Variants in FAT2 observed in about 807,000 individuals in gnomAD.
FAT2 encodes protocadherin Fat 2.
FAT2 carries 150 observed loss-of-function variants against 295.3 expected under a neutral mutation model. The observed-to-expected ratio is 0.51, with a 90% confidence interval of 0.44 to 0.58. The LOEUF is 0.58. Ranked by LOEUF, FAT2 falls within the 20% of genes least tolerant of loss-of-function variation. FAT2 has a pLI of 0.00. For missense variants in FAT2, 4,868 were observed against 5,442.7 expected (o/e 0.89, Z 3.32); for synonymous variants, 2,026 against 2,150.3 (o/e 0.94, Z 1.60).
intron 11 of FAT2, 93 bp from the exon 12 acceptor site, chr5:151,538,039 G>A: frequency 3.5e-6 from 4 of 1,135,548 alleles, no homozygotes; most frequent in South Asian, 1.6e-5. Flanking sequence ...GGCAGAAGCA[G>A]AAAGAGAGAC....
At chr5:151,539,329 G>T (rs1231098827) in intron 11 of FAT2, among the ~76,000 whole-genome samples, 1 of 152,204 alleles carries the variant, frequency 6.6e-6, no homozygotes, top group Non-Finnish European at 1.5e-5. Context: ...TGTGTTGCAA[G>T]GTATGTGTCT....
intron 15 of FAT2, 85 bp from the exon 16 acceptor site, chr5:151,528,218 C>A (rs1431253756): frequency 4.0e-6 from 6 of 1,506,194 alleles, no homozygotes; most frequent in Non-Finnish European, 4.5e-6. Context: ...TGTCCCTGCC[C>A]CAGTGACTGC....
rs183208599 is a variant in FAT2 at position 151,568,004 on chromosome 5, T to G, written c.928A>C (p.Asn310His). The G allele has an allele frequency of 1.4e-5, 23 of 1,614,186 alleles. 1 individual carries two copies. The highest frequency in any genetic ancestry group is 2.5e-6 in the Non-Finnish European group (3 of 1,180,038). ...FKAIKSYARS[N>H]EFSLVSVKDI... ...TTGACAGACACCAAACTGAACTCAT[T>G]GCTCCGGGCATAAGACTTGATGGCT... Residue 310 changes from asparagine (N) to histidine (H), a missense_variant, in exon 2 of 24, where the codon AAT (asparagine) becomes CAT (histidine). By Grantham distance (68) the Asn-to-His change is moderately conservative (BLOSUM62 1). This residue lies in a region of FAT2 where 3,297 missense variants were observed against 3,669.4 expected (regional missense o/e 0.90). Transcript: ENST00000261800.
At position 151,540,611 on chromosome 5, in the gene FAT2, T is replaced by G; in HGVS notation, c.8995A>C (p.Ile2999Leu). Residue 2999 changes from isoleucine to leucine, a missense_variant, in exon 11 of 24, where the codon ATC becomes CTC. By Grantham distance (5) the Ile-to-Leu change is conservative. Transcript: ENST00000261800. The stretch of plus-strand genomic sequence containing the variant: ...TTATCATTGACGTCCAGGACAAAGA[T>G]CTCCACAGTGACCGAAGCCTGGAAC... ...GKFQASVTVE[I>L]FVLDVNDNSP... 1 of 1,614,078 alleles carries G rather than the reference T, an allele frequency of 6.2e-7. No homozygotes were observed. The highest frequency in any genetic ancestry group is 8.5e-7 in the Non-Finnish European group (1 of 1,180,006).
At position 151,521,769 on chromosome 5, in the gene FAT2, G is replaced by A. The variant is rs1753486131; in HGVS notation, c.10824C>T (p.Thr3608=). ...CATGGACCCCAGCAGTCGTGGTGAA[G>A]GTCCCATCGCTGACCGTGACGTTGA... ...YSFNVTVSDG[T]FTTTAGVHVY... Residue 3608 remains threonine (T), a synonymous_variant, in exon 19 of 24, where the codon ACC becomes ACT. Coordinates refer to ENST00000261800, the MANE Select transcript of FAT2 (RefSeq NM_001447.3). 1 of 1,614,002 alleles carries A rather than the reference G, an allele frequency of 6.2e-7. No individual in the cohort carries two copies. The highest frequency in any genetic ancestry group is 1.3e-5 in the African/African-American group (1 of 74,934).
At chr5:151,517,849 G>T in intron 19 of FAT2, 84 bp from the exon 20 acceptor site, 1 of 1,511,090 alleles carries the variant, frequency 6.6e-7, no homozygotes. Flanking sequence ...TTTAATCCTT[G>T]GGTGGCAGAC....
intron 12 of FAT2, among the ~76,000 whole-genome samples, chr5:151,535,361 G>A (rs1161678360): frequency 6.6e-6 from 1 of 151,926 alleles, no homozygotes; most frequent in Non-Finnish European, 1.5e-5. Context: ...CTAATTGTGG[G>A]TTTTAAGACC....
rs2127562913 is a variant in FAT2, at chr5:151,506,039, T to C, written c.12576A>G (p.Glu4192=). The C allele has an allele frequency of 6.4e-7, 1 of 1,563,648 alleles. No homozygotes were observed. Among genetic ancestry groups the C allele is most frequent in the Non-Finnish European group, 8.6e-7 (1 of 1,160,478 alleles). ...CCTGAGTCACTTCGGAGTGGGGGTA[T>C]TCCCAGCGTTCGTTCCTGGAGTAAG... ...PPTYSRNERW[E]YPHSEVTQGP... The change falls in exon 24 of 24, where the codon GAA becomes GAG. Residue 4192 remains glutamate (E), a synonymous_variant. Transcript: ENST00000261800.
At chr5:151,535,400 C>T (rs963739627) in intron 12 of FAT2, among the ~76,000 whole-genome samples, 3 of 152,042 alleles carry the variant, frequency 2.0e-5, no homozygotes, top group Admixed American at 6.6e-5. Context: ...GCCTTATACC[C>T]TGGGGGAAAT....
Position 151,548,761 on chromosome 5 carries a change from G to A in FAT2, c.4789+534C>T, listed in dbSNP as rs150225244. Among the ~76,000 whole-genome samples the A allele has an allele frequency of 2.2e-3, 331 of 152,246 alleles. 1 individual carries two copies. Among genetic ancestry groups the A allele is most frequent in the African/African-American group, 7.0e-3 (289 of 41,536 alleles). On this transcript the variant is annotated intron_variant, in intron 9 of 23. Coordinates refer to ENST00000261800, the MANE Select transcript of FAT2 (RefSeq NM_001447.3). Reference sequence around the variant, plus strand: ...CTCCCAAAGTGCTAGGATTACAGGCGTGAGCCACCGCATCTGGCCAACATA... The same window carrying A: ...CTCCCAAAGTGCTAGGATTACAGGCATGAGCCACCGCATCTGGCCAACATA...
At chr5:151,511,308 C>T (rs1187417974) in intron 21 of FAT2, 1 of 152,166 alleles carries the variant, frequency 6.6e-6, no homozygotes, top group East Asian at 1.9e-4. Flanking sequence ...AGGAACCTCT[C>T]ATGTTGTGTG....
At chr5:151,592,701 G>A (rs1457350352), upstream of FAT2, among the ~76,000 whole-genome samples, 2 of 152,158 alleles carry the variant, frequency 1.3e-5, no homozygotes, top group African/African-American at 2.4e-5. Context: ...CTCCGCATTT[G>A]TTAAATGGGG....
At chr5:151,553,971 T>C (rs1157299678) in intron 5 of FAT2, among the ~76,000 whole-genome samples, 1 of 152,226 alleles carries the variant, frequency 6.6e-6, no homozygotes, top group African/African-American at 2.4e-5. Flanking sequence ...CTACCTGATA[T>C]ATTGGCTTCT....
intron 1 of FAT2, among the ~76,000 whole-genome samples, chr5:151,583,706 T>C (rs1759053071): frequency 6.6e-6 from 1 of 152,156 alleles, no homozygotes; most frequent in Admixed American, 6.5e-5. Flanking sequence ...TAAAAAGTTC[T>C]TTTTTTAGGG....
chr5:151,566,760 G>A lies in FAT2; in HGVS notation c.2172C>T (p.Val724=). 6.2e-7 allele frequency: 1 copy of A among 1,614,154 alleles called. No individual in the cohort carries two copies. The highest frequency in any genetic ancestry group is 8.5e-7 in the Non-Finnish European group (1 of 1,180,024). The stretch of plus-strand genomic sequence containing the variant: ...GGGTGTTGATAGGGACACTCTCAAG[G>A]ACATCAATGGATTGGGGGAAGTGGT... The part of the protein sequence containing the change: ...FEDHFPQSID[V]LESVPINTPL... Residue 724 remains valine, a synonymous_variant, in exon 2 of 24, where the codon GTC becomes GTT. Coordinates refer to ENST00000261800, the MANE Select transcript of FAT2 (RefSeq NM_001447.3).
intron 23 of FAT2, among the ~76,000 whole-genome samples, chr5:151,506,510 G>T (rs1317302803): frequency 3.3e-5 from 5 of 152,238 alleles, no homozygotes; most frequent in Non-Finnish European, 7.3e-5. Flanking sequence ...GGAGAGTGAT[G>T]AAATGAGATG....
intron 19 of FAT2, among the ~76,000 whole-genome samples, chr5:151,520,764 C>T (rs1394298425): frequency 6.6e-6 from 1 of 152,232 alleles, no homozygotes; most frequent in East Asian, 1.9e-4. Context: ...TGAACCTGAG[C>T]TGTCTGAGTC....
rs780228380 is a variant in FAT2 at position 151,545,797 on chromosome 5, A to T, written c.5330T>A (p.Ile1777Asn). The T allele has an allele frequency of 6.2e-7, 1 of 1,614,226 alleles. No individual in the cohort carries two copies. Among genetic ancestry groups the T allele is most frequent in the Non-Finnish European group, 8.5e-7 (1 of 1,180,040 alleles). The change falls in exon 10 of 24, where the codon ATC becomes AAC. Residue 1777 changes from isoleucine to asparagine, a missense_variant. By Grantham distance (149) the Ile-to-Asn change is moderately radical (BLOSUM62 -3). This residue lies in a region of FAT2 where 3,297 missense variants were observed against 3,669.4 expected (regional missense o/e 0.90). Transcript: ENST00000261800. Reference sequence around the variant, plus strand: ...AAAGGGGTTGTTGTTTTTATCCATGATCATGCTATACAGTGGAGCTGCTTC... The same window carrying T: ...AAAGGGGTTGTTGTTTTTATCCATGTTCATGCTATACAGTGGAGCTGCTTC... Reference protein sequence around the residue: ...ISEAAPLYSMIMDKNNNPFVI... With the variant: ...ISEAAPLYSMNMDKNNNPFVI...
Position 151,543,732 on chromosome 5 carries a change from C to G in FAT2, c.7395G>C (p.Val2465=), listed in dbSNP as rs764972703. 95 of 1,614,056 alleles carry G rather than the reference C, an allele frequency of 5.9e-5. No individual in the cohort carries two copies. The highest frequency in any genetic ancestry group is 7.7e-5 in the Non-Finnish European group (91 of 1,180,050). ...CATTTGTAGTGTTGATGTACACAGG[C>G]ACAGTTGCTCGGAAGACTCCATCAG... ...GASDGVFRAT[V]PVYINTTNAN... is the part of the protein sequence containing the mutation. The change falls in exon 10 of 24, where the codon GTG becomes GTC. Residue 2465 remains valine (V), a synonymous_variant. Coordinates refer to ENST00000261800, the MANE Select transcript of FAT2 (RefSeq NM_001447.3).
Sources: gnomAD v4.1 joint callset for allele counts (sites outside exome capture counted in the v4.1 genomes callset) on GRCh38, gnomAD v4.1.1 for gene constraint, gnomAD v4.1.1 regional missense constraint, MANE v1.5 for transcripts, NCBI Gene and HGNC (gene_info 2026-07-23, HGNC 2026-07-21) for gene names.